TMEM132B: variants seen among roughly 807,000 people sequenced by gnomAD.
TMEM132B encodes the protein transmembrane protein 132B.
Under a neutral mutation model 90.8 loss-of-function variants are expected in TMEM132B, and 18 were observed. The observed-to-expected ratio is 0.20, with a 90% CI of 0.14 to 0.29. TMEM132B has a LOEUF of 0.29. TMEM132B is among the 10% of genes least tolerant of loss of function. The pLI is 1.00. For synonymous variants in TMEM132B, 504 were observed against 523.3 expected, an observed-to-expected ratio of 0.96 and a Z score of 0.50; for missense variants, 1,096 against 1,326.8, an observed-to-expected ratio of 0.83 and a Z score of 2.70.
At chr12:125,192,765 A>G (rs373416044) in intron 1 of TMEM132B, among the ~76,000 whole-genome samples, 27 of 152,314 alleles carry the variant, frequency 1.8e-4, no homozygotes, top group African/African-American at 6.3e-4. Flanking sequence ...GATGGCTGCA[A>G]ACTTCTCTTG....
At chr12:125,322,849 T>C (rs1593084153) in intron 1 of TMEM132B, among the ~76,000 whole-genome samples, 1 of 151,836 alleles carries the variant, frequency 6.6e-6, no homozygotes, top group South Asian at 2.1e-4. Context: ...AGATATTTCA[T>C]GCATAGAAAA....
intron 2 of TMEM132B, among the ~76,000 whole-genome samples, chr12:125,403,368 A>C (rs1018296928): frequency 4.6e-5 from 7 of 152,176 alleles, no homozygotes; most frequent in Admixed American, 1.3e-4. Flanking sequence ...GCGTTGCCCA[A>C]ATAAAACTCG....
At chr12:125,570,820 G>A (rs1884773092) in intron 4 of TMEM132B, among the ~76,000 whole-genome samples, 1 of 152,144 alleles carries the variant, frequency 6.6e-6, no homozygotes, top group African/African-American at 2.4e-5. Flanking sequence ...GCCCAATGTG[G>A]TCAGAATTAG....
At chr12:125,342,603 G>T (rs1164342481) in intron 1 of TMEM132B, among the ~76,000 whole-genome samples, 1 of 152,154 alleles carries the variant, frequency 6.6e-6, no homozygotes, top group Non-Finnish European at 1.5e-5. Context: ...CTTCCATTTT[G>T]TTCTGTGTCT....
intron 2 of TMEM132B, among the ~76,000 whole-genome samples, chr12:125,380,661 T>C (rs1878654000): frequency 6.6e-6 from 1 of 152,232 alleles, no homozygotes; most frequent in Non-Finnish European, 1.5e-5. Context: ...CCAAGGAGGC[T>C]GTCCCTGCAG....
At chr12:125,641,956 A>G (rs866556997) in intron 5 of TMEM132B, among the ~76,000 whole-genome samples, 3 of 152,196 alleles carry the variant, frequency 2.0e-5, no homozygotes, top group Admixed American at 6.5e-5. Flanking sequence ...GAACTCCCCA[A>G]TGTATCCACT....
At chr12:125,245,293 A>T (rs1874181059) in intron 1 of TMEM132B, among the ~76,000 whole-genome samples, 1 of 127,626 alleles carries the variant, frequency 7.8e-6, no homozygotes. Flanking sequence ...GCAGTTCAGG[A>T]GGGAGGAAAA....
At chr12:125,237,318 G>A (rs952397882) in intron 1 of TMEM132B, among the ~76,000 whole-genome samples, 1 of 152,144 alleles carries the variant, frequency 6.6e-6, no homozygotes, top group Non-Finnish European at 1.5e-5. Context: ...TAGCTGTGAC[G>A]TCAGTGTTCT....
intron 2 of TMEM132B, among the ~76,000 whole-genome samples, chr12:125,409,554 T>C (rs1879626977): frequency 6.7e-6 from 1 of 149,318 alleles, no homozygotes; most frequent in East Asian, 2.0e-4. Flanking sequence ...TGCTTGGCTG[T>C]GGACAGTGGA....
intron 6 of TMEM132B, among the ~76,000 whole-genome samples, chr12:125,648,706 T>C (rs139621743): frequency 6.6e-6 from 1 of 152,218 alleles, no homozygotes; most frequent in African/African-American, 2.4e-5. Context: ...ACCATTGTTA[T>C]GATACTGCCA....
At chr12:125,211,806 C>G (rs1873325808) in intron 1 of TMEM132B, among the ~76,000 whole-genome samples, 1 of 152,188 alleles carries the variant, frequency 6.6e-6, no homozygotes, top group Non-Finnish European at 1.5e-5. Flanking sequence ...TTTCCCATGC[C>G]AGCCACCTCT....
At chr12:125,571,336 A>T (rs1257021053) in intron 4 of TMEM132B, among the ~76,000 whole-genome samples, 1 of 152,210 alleles carries the variant, frequency 6.6e-6, no homozygotes, top group Non-Finnish European at 1.5e-5. Context: ...TGAGGATTAA[A>T]TAAGATGTTA....
chr12:125,641,159 G>T (rs568452052), intron 5 of TMEM132B, among the ~76,000 whole-genome samples: 1 of 152,192 alleles, frequency 6.6e-6, no homozygotes, highest in Non-Finnish European at 1.5e-5. Flanking sequence ...TTGTATGAGA[G>T]CTGAGACAAG....
chr12:125,606,692 C>T (rs368280945), intron 5 of TMEM132B, among the ~76,000 whole-genome samples: 33 of 152,216 alleles, frequency 2.2e-4, no homozygotes, highest in African/African-American at 7.7e-4. Context: ...CCCCTGCTAC[C>T]CATCAGAAGT....
intron 5 of TMEM132B, among the ~76,000 whole-genome samples, chr12:125,609,656 A>T (rs1266050014): frequency 1.3e-5 from 2 of 151,426 alleles, no homozygotes; most frequent in East Asian, 3.9e-4. Context: ...TCTACTAAAA[A>T]AATATAAAAA....
At chr12:125,522,119 T>G (rs909002143) in intron 4 of TMEM132B, among the ~76,000 whole-genome samples, 3 of 152,204 alleles carry the variant, frequency 2.0e-5, no homozygotes, top group Non-Finnish European at 4.4e-5. Flanking sequence ...GGCTGATTTC[T>G]TGTCACTTTT....
At chr12:125,542,367 C>T (rs1020990422) in intron 4 of TMEM132B, among the ~76,000 whole-genome samples, 1 of 152,162 alleles carries the variant, frequency 6.6e-6, no homozygotes, top group African/African-American at 2.4e-5. Context: ...ACTATCGTCA[C>T]CATTTTCAAG....
intron 2 of TMEM132B, among the ~76,000 whole-genome samples, chr12:125,390,984 G>A (rs1878993038): frequency 1.3e-5 from 2 of 152,018 alleles, no homozygotes; most frequent in Admixed American, 1.3e-4. Flanking sequence ...TCTGGGGTCT[G>A]CACTAAAGAG....
At chr12:125,524,239 T>C (rs1426870560) in intron 4 of TMEM132B, among the ~76,000 whole-genome samples, 1 of 152,186 alleles carries the variant, frequency 6.6e-6, no homozygotes, top group Non-Finnish European at 1.5e-5. Context: ...GCTTAAACTA[T>C]CAAAGCAAAT....
Sources: gnomAD v4.1 joint callset for allele counts (sites outside exome capture counted in the v4.1 genomes callset) on GRCh38, gnomAD v4.1.1 for gene constraint, MANE v1.5 for transcripts, NCBI Gene and HGNC (gene_info 2026-07-23, HGNC 2026-07-21) for gene names.